SKP2: variants seen among roughly 807,000 people sequenced by gnomAD.
SKP2 encodes the protein S-phase kinase associated protein 2.
SKP2 carries 16 observed loss-of-function variants against 51.8 expected under a neutral mutation model. The observed-to-expected ratio is 0.31, with a 90% confidence interval of 0.21 to 0.47. SKP2 has a LOEUF of 0.47. Ranked by LOEUF, SKP2 falls within the 20% of genes least tolerant of loss-of-function variation. The pLI, the probability that SKP2 is intolerant of heterozygous loss-of-function variation, is 1.00. For missense variants in SKP2, 377 were observed against 505.3 expected, an observed-to-expected ratio of 0.75 and a Z score of 2.43; for synonymous variants, 176 against 198.6, an observed-to-expected ratio of 0.89 and a Z score of 0.96.
intron 9 of SKP2, among the ~76,000 whole-genome samples, chr5:36,181,485 A>G (rs1319267320): frequency 6.6e-6 from 1 of 152,240 alleles, no homozygotes; most frequent in Non-Finnish European, 1.5e-5. Flanking sequence ...GTTTCTTCTC[A>G]TAACACAGTA....
chr5:36,185,976 G>C (rs1745951695), downstream of SKP2, among the ~76,000 whole-genome samples: 1 of 152,136 alleles, frequency 6.6e-6, no homozygotes. Context: ...CCCATCCCTT[G>C]TAAGTTGGAT....
In SKP2 at chr5:36,178,597, G is replaced by A. The variant is rs1336447223; in HGVS notation, c.1061+1305G>A. 3.3e-5 allele frequency among the ~76,000 whole-genome samples: 5 copies of A among 151,974 alleles called. No individual in the cohort carries two copies. In the East Asian group the frequency reaches 9.7e-4, roughly 29 times the overall value. On this transcript the variant is annotated intron_variant, in intron 9 of 9. Transcript: ENST00000274255. ...AAATCCCTGCCCTCTCTATTTTCTA[G>A]CATCCAGAACTCCTAGGAGCTTCTA...
intron 2 of SKP2, among the ~76,000 whole-genome samples, chr5:36,157,669 T>G (rs1266326228): frequency 6.6e-6 from 1 of 152,106 alleles, no homozygotes; most frequent in Admixed American, 6.5e-5. Context: ...CTGAAAGAAA[T>G]GCACACACAC....
At chr5:36,174,640 A>T (rs1300754697) in intron 7 of SKP2, among the ~76,000 whole-genome samples, 1 of 152,154 alleles carries the variant, frequency 6.6e-6, no homozygotes, top group Admixed American at 6.5e-5. Context: ...AACATATTTC[A>T]TAAATGTTAT....
intron 9 of SKP2, among the ~76,000 whole-genome samples, chr5:36,179,171 C>T (rs1490067684): frequency 6.6e-6 from 1 of 152,100 alleles, no homozygotes; most frequent in Non-Finnish European, 1.5e-5. Context: ...GTAAATAGTA[C>T]ACTGATTTGC....
At chr5:36,178,029 G>A (rs1158294772) in intron 9 of SKP2, among the ~76,000 whole-genome samples, 1 of 152,042 alleles carries the variant, frequency 6.6e-6, no homozygotes, top group African/African-American at 2.4e-5. Flanking sequence ...CTTTCCTTTG[G>A]GAAACACCAT....
intron 9 of SKP2, chr5:36,177,521 A>G: frequency 1.7e-6 from 1 of 584,660 alleles, no homozygotes; most frequent in Non-Finnish European, 3.2e-6. Flanking sequence ...AGTTTTAATT[A>G]CTAGCTTGCT....
intron 7 of SKP2, among the ~76,000 whole-genome samples, chr5:36,171,998 T>A (rs1338261063): frequency 6.6e-6 from 1 of 152,240 alleles, no homozygotes; most frequent in African/African-American, 2.4e-5. Context: ...AGAAAAACTT[T>A]TAATCAACTA....
downstream of SKP2, among the ~76,000 whole-genome samples, chr5:36,184,929 T>TA (rs1374746706): frequency 3.3e-5 from 5 of 152,210 alleles, no homozygotes; most frequent in Non-Finnish European, 7.3e-5. Context: ...TATCTGTTGT[T>TA]TCCTGACTTT....
intron 2 of SKP2, among the ~76,000 whole-genome samples, chr5:36,158,823 C>A (rs951688415): frequency 2.0e-5 from 3 of 152,124 alleles, no homozygotes; most frequent in Admixed American, 6.5e-5. Flanking sequence ...TGCATGTTTT[C>A]TTGAAGCCCC....
downstream of SKP2, among the ~76,000 whole-genome samples, chr5:36,186,132 A>G (rs922549138): frequency 2.6e-4 from 40 of 152,234 alleles, no homozygotes; most frequent in Non-Finnish European, 1.6e-4. Flanking sequence ...GAAGTTGCTT[A>G]TCAGCTTAAG....
chr5:36,152,401 G>A (rs1744763778), intron 1 of SKP2, 131 bp downstream of exon 1: 2 of 914,142 alleles, frequency 2.2e-6, no homozygotes, highest in Non-Finnish European at 3.5e-6. Context: ...CCCCTTCTTG[G>A]GGAAAGTGTG....
intron 3 of SKP2, among the ~76,000 whole-genome samples, chr5:36,165,034 G>A (rs1416326198): frequency 6.6e-6 from 1 of 152,132 alleles, no homozygotes; most frequent in Admixed American, 6.5e-5. Flanking sequence ...CTGTGGCTTT[G>A]TATTCTTTGA....
At chr5:36,158,530 T>C (rs1169728318) in intron 2 of SKP2, among the ~76,000 whole-genome samples, 5 of 152,202 alleles carry the variant, frequency 3.3e-5, no homozygotes, top group Non-Finnish European at 7.3e-5. Flanking sequence ...TATGTGTGTT[T>C]TCTAGGACCT....
rs1745895650 is a variant in SKP2, at chr5:36,183,879, T to C, written c.*1848T>C. The C allele has an allele frequency of 1.9e-6, 3 of 1,608,996 alleles. No individual in the cohort carries two copies. Among genetic ancestry groups the C allele is most frequent in the Admixed American group, 1.7e-5 (1 of 59,366 alleles). On this transcript the variant is annotated 3_prime_UTR_variant, in exon 10 of 10. Coordinates refer to ENST00000274255, the MANE Select transcript of SKP2 (RefSeq NM_005983.4). ...CTGGGGTTAGGATCCGGTTGGACTC[T>C]GACATCGGATGCCCTCAAACATACA...
downstream of SKP2, among the ~76,000 whole-genome samples, chr5:36,186,994 T>G (rs1275706775): frequency 2.6e-5 from 4 of 152,192 alleles, no homozygotes; most frequent in African/African-American, 7.2e-5. Context: ...GTCGAGGAAT[T>G]TATCCATTTC....
At chr5:36,185,681 T>G (rs1745946799), downstream of SKP2, among the ~76,000 whole-genome samples, 1 of 152,208 alleles carries the variant, frequency 6.6e-6, no homozygotes, top group Non-Finnish European at 1.5e-5. Context: ...TGAAGTCAGG[T>G]AGCATGATGC....
intron 6 of SKP2, among the ~76,000 whole-genome samples, chr5:36,189,378 A>T (rs1017670503): frequency 6.6e-6 from 1 of 152,020 alleles, no homozygotes; most frequent in South Asian, 2.1e-4. Context: ...ATCTTTGATG[A>T]TGGTGACGTA....
At chr5:36,184,969 A>G (rs1745931752), downstream of SKP2, among the ~76,000 whole-genome samples, 2 of 152,158 alleles carry the variant, frequency 1.3e-5, no homozygotes, top group Admixed American at 1.3e-4. Context: ...CTGGTGTGAG[A>G]TGGTATCTCA....
Sources: allele counts gnomAD v4.1 joint callset (sites outside exome capture counted in the v4.1 genomes callset), GRCh38; gene constraint gnomAD v4.1.1; transcripts MANE v1.5; gene names NCBI Gene and HGNC (gene_info 2026-07-23, HGNC 2026-07-21).